Variants in PDE11A observed in about 807,000 individuals in gnomAD.
PDE11A encodes dual 3',5'-cyclic-AMP and -GMP phosphodiesterase 11A.
A neutral mutation model predicts 100.5 loss-of-function variants in PDE11A; 100 were observed. That is an observed-to-expected ratio of 1.00 (90% confidence interval 0.85 to 1.18). The LOEUF (loss-of-function observed/expected upper bound fraction) is 1.18. PDE11A is among the 50% of genes most tolerant of loss of function. PDE11A has a pLI of 0.00. For missense variants in PDE11A, 1,141 were observed against 1,152.6 expected (o/e 0.99, Z 0.15); for synonymous variants, 381 against 420.8 (o/e 0.91, Z 1.16).
chr2:177,876,883 TAGAC>T (rs1348919110), intron 4 of PDE11A, among the ~76,000 whole-genome samples: 2 of 147,640 alleles, frequency 1.4e-5, no homozygotes, highest in Non-Finnish European at 3.0e-5. Context: ...AAACTGACAA[TAGAC>T]AGATTAACAG....
chr2:177,841,263 G>A (rs570731855), intron 5 of PDE11A, among the ~76,000 whole-genome samples: 18 of 152,250 alleles, frequency 1.2e-4, no homozygotes, highest in African/African-American at 2.4e-4. Flanking sequence ...ACAAAATTGA[G>A]AACTGTTCAA....
chr2:178,070,790 T>TAAAA (rs1163200747), intron 1 of PDE11A, among the ~76,000 whole-genome samples: 136 of 152,364 alleles, frequency 8.9e-4, no homozygotes, highest in African/African-American at 3.1e-3. Context: ...TATTTGTTGT[T>TAAAA]TGTTTCATAA....
intron 1 of PDE11A, among the ~76,000 whole-genome samples, chr2:178,058,454 G>T (rs1353093454): frequency 6.6e-6 from 1 of 152,060 alleles, no homozygotes; most frequent in African/African-American, 2.4e-5. Flanking sequence ...CCCTGCACAG[G>T]CTCTCTCTTT....
chr2:177,949,624 CAT>C (rs975500388), intron 2 of PDE11A, among the ~76,000 whole-genome samples: 6 of 152,128 alleles, frequency 3.9e-5, no homozygotes, highest in Admixed American at 1.3e-4. Context: ...TGTGATAAAA[CAT>C]GTGATGTGCA....
At chr2:177,655,388 T>C (rs927538644) in intron 19 of PDE11A, among the ~76,000 whole-genome samples, 1 of 152,164 alleles carries the variant, frequency 6.6e-6, no homozygotes, top group African/African-American at 2.4e-5. Flanking sequence ...GGAAGAACTC[T>C]GAGATGTAGC....
rs780396514 is a variant in PDE11A at position 177,634,387 on chromosome 2, TCTC to T, written c.2647-4828_2647-4826del. ...ATCTTGAAAACTTACTTTTTCTCTC[TCTC>T]TTTTTTTTTTTTTTGTGAGAAGGAG... On this transcript the variant is annotated intron_variant, in intron 19 of 19. Transcript: ENST00000286063. Among the ~76,000 whole-genome samples the T allele has an allele frequency of 1.2e-3, 158 of 134,460 alleles. 10 individuals are homozygous for T. Among genetic ancestry groups the T allele is most frequent in the Non-Finnish European group, 1.3e-3 (87 of 64,526 alleles). The allele number at this position is 134,460 out of a possible 152,430, so 88.2% of individuals were successfully genotyped here. A position where few individuals can be genotyped will look rare whatever the true frequency, so the allele number is the denominator to read the frequency against.
chr2:177,897,813 A>G (rs1364212263), intron 4 of PDE11A, among the ~76,000 whole-genome samples: 1 of 152,178 alleles, frequency 6.6e-6, no homozygotes, highest in Non-Finnish European at 1.5e-5. Flanking sequence ...ATCTGCAATT[A>G]CAAAGGCCTG....
intron 5 of PDE11A, among the ~76,000 whole-genome samples, chr2:177,873,639 C>T (rs1251350937): frequency 6.6e-6 from 1 of 152,100 alleles, no homozygotes; most frequent in African/African-American, 2.4e-5. Flanking sequence ...CAGCGTGGTT[C>T]CATCACAACC....
chr2:177,633,866 C>T (rs1574081912), intron 19 of PDE11A, among the ~76,000 whole-genome samples: 1 of 152,116 alleles, frequency 6.6e-6, no homozygotes, highest in South Asian at 2.1e-4. Flanking sequence ...TTCTCCAGAA[C>T]TTATTTTTTT....
intron 5 of PDE11A, among the ~76,000 whole-genome samples, chr2:177,857,452 C>A (rs1320496232): frequency 1.3e-5 from 2 of 151,890 alleles, no homozygotes; most frequent in African/African-American, 2.4e-5. Flanking sequence ...CATTTAAAGA[C>A]AATGGCATAA....
intron 5 of PDE11A, among the ~76,000 whole-genome samples, chr2:177,874,323 A>G (rs2084195179): frequency 6.6e-6 from 1 of 152,224 alleles, no homozygotes; most frequent in African/African-American, 2.4e-5. Flanking sequence ...CATTTAGCAT[A>G]CTACATGGAA....
At chr2:177,646,772 C>T (rs368563417) in intron 19 of PDE11A, among the ~76,000 whole-genome samples, 11 of 152,224 alleles carry the variant, frequency 7.2e-5, no homozygotes, top group African/African-American at 2.4e-4. Context: ...ACTTCCCAAA[C>T]GTTAGATGTA....
At chr2:177,859,289 A>T (rs2083901195) in intron 5 of PDE11A, among the ~76,000 whole-genome samples, 1 of 151,998 alleles carries the variant, frequency 6.6e-6, no homozygotes, top group Non-Finnish European at 1.5e-5. Context: ...CTTGTACAAC[A>T]AATATTCATA....
intron 13 of PDE11A, among the ~76,000 whole-genome samples, chr2:177,707,087 G>A (rs1026421665): frequency 1.3e-5 from 2 of 152,138 alleles, no homozygotes; most frequent in African/African-American, 4.8e-5. Context: ...CAAAGTCATG[G>A]ACCAGAGTGT....
intron 5 of PDE11A, among the ~76,000 whole-genome samples, chr2:177,859,976 A>G (rs2105667393): frequency 6.6e-6 from 1 of 152,032 alleles, no homozygotes; most frequent in African/African-American, 2.4e-5. Context: ...AAAGAAATGT[A>G]TGGCTATAAA....
Position 177,629,063 on chromosome 2 carries a change from T to G in PDE11A, c.*344A>C. On this transcript the variant is annotated 3_prime_UTR_variant, in exon 20 of 20. Transcript: ENST00000286063. ...AAAACGAAGCAGCGCTAATGACGCTTTTACTGTTCAGTGTTCCCTCAGCTC... is the reference window on the plus strand; with the variant it reads ...AAAACGAAGCAGCGCTAATGACGCTGTTACTGTTCAGTGTTCCCTCAGCTC... The G allele has an allele frequency of 2.8e-6, 1 of 356,098 alleles. No individual in the cohort carries two copies. The highest frequency in any genetic ancestry group is 5.3e-6 in the Non-Finnish European group (1 of 186,952). The allele number at this position is 356,098 out of a possible 1,614,324, so 22.1% of individuals were successfully genotyped here. A position where few individuals can be genotyped will look rare whatever the true frequency, so the allele number is the denominator to read the frequency against.
At chr2:177,913,617 G>A (rs558480393) in intron 2 of PDE11A, among the ~76,000 whole-genome samples, 2 of 152,116 alleles carry the variant, frequency 1.3e-5, no homozygotes, top group Admixed American at 6.5e-5. Context: ...CTAGTTTTAG[G>A]GTTGTTTGTA....
At chr2:177,899,734 C>T (rs1281258569) in intron 3 of PDE11A, 1 of 167,028 alleles carries the variant, frequency 6.0e-6, no homozygotes, top group East Asian at 1.8e-4. Flanking sequence ...ATATACATAC[C>T]CTTCATATAT....
At chr2:177,889,068 T>A (rs2084486477) in intron 4 of PDE11A, among the ~76,000 whole-genome samples, 1 of 152,236 alleles carries the variant, frequency 6.6e-6, no homozygotes. Flanking sequence ...CTCATACTTT[T>A]CAGGAAGGGC....
Sources: gnomAD v4.1 joint callset for allele counts (sites outside exome capture counted in the v4.1 genomes callset) on GRCh38, gnomAD v4.1.1 for gene constraint, MANE v1.5 for transcripts, NCBI Gene and HGNC (gene_info 2026-07-23, HGNC 2026-07-21) for gene names.